Variants in LRRC8C observed in about 807,000 individuals in gnomAD.
LRRC8C encodes leucine rich repeat containing 8 VRAC subunit C.
Under a neutral mutation model 55.3 loss-of-function variants are expected in LRRC8C, and 20 were observed. The observed-to-expected ratio is 0.36, with a 90% CI of 0.25 to 0.53. LRRC8C has a LOEUF of 0.53. LRRC8C is among the 20% of genes least tolerant of loss of function. The probability of loss-of-function intolerance (pLI) is 0.92; values close to 1 mark genes in which losing one functional copy is unlikely to be tolerated. For synonymous variants in LRRC8C, 376 were observed against 360.7 expected (o/e 1.04, Z -0.48); for missense variants, 659 against 951.4 (o/e 0.69, Z 4.04).
At chr1:89,658,503 A>G (rs1203593124) in intron 1 of LRRC8C, among the ~76,000 whole-genome samples, 1 of 152,214 alleles carries the variant, frequency 6.6e-6, no homozygotes, top group Non-Finnish European at 1.5e-5. Flanking sequence ...TGTAGTGGAA[A>G]TGGGGCAGGT....
chr1:89,683,547 G>T (rs1211533653), intron 1 of LRRC8C, among the ~76,000 whole-genome samples: 1 of 151,822 alleles, frequency 6.6e-6, no homozygotes, highest in African/African-American at 2.4e-5. Flanking sequence ...TAGTAGAGTT[G>T]GGGTTTCACC....
chr1:89,629,913 C>T (rs570574083), upstream of LRRC8C: 1 of 152,332 alleles, frequency 6.6e-6, no homozygotes, highest in African/African-American at 2.4e-5. Context: ...AATCCCAGCA[C>T]TTTGGGAGGC....
At chr1:89,659,035 G>T (rs977534233) in intron 1 of LRRC8C, among the ~76,000 whole-genome samples, 4 of 143,456 alleles carry the variant, frequency 2.8e-5, no homozygotes, top group African/African-American at 2.6e-5. Context: ...ATTTTAGGTT[G>T]TGTCTTCTCC....
chr1:89,661,445 T>A (rs1657120714), intron 1 of LRRC8C: 1 of 226,892 alleles, frequency 4.4e-6, no homozygotes. Context: ...TGAGTGATGA[T>A]GTGGTGGAGC....
At chr1:89,620,299 T>C in the LRRC8C span, among the ~76,000 whole-genome samples, 1 of 152,160 alleles carries the variant, frequency 6.6e-6, no homozygotes, top group East Asian at 1.9e-4. Context: ...TTTCAACATA[T>C]GAATTTTGAG....
At chr1:89,659,086 T>G (rs1657042964) in intron 1 of LRRC8C, among the ~76,000 whole-genome samples, 1 of 144,242 alleles carries the variant, frequency 6.9e-6, no homozygotes, top group African/African-American at 2.6e-5. Context: ...TGTGTGTGTG[T>G]GTGTGTGTGT....
At chr1:89,622,057 A>G in the LRRC8C span, among the ~76,000 whole-genome samples, 38 of 152,132 alleles carry the variant, frequency 2.5e-4, no homozygotes, top group African/African-American at 8.9e-4. Flanking sequence ...GATAAGCAAG[A>G]CTGTTTATTT....
intron 2 of LRRC8C, among the ~76,000 whole-genome samples, chr1:89,700,293 C>T (rs946995834): frequency 2.0e-5 from 3 of 152,164 alleles, no homozygotes; most frequent in African/African-American, 7.2e-5. Context: ...CCTGCTTACT[C>T]CAAGCCTGAG....
At chr1:89,692,046 G>A (rs982867647) in intron 2 of LRRC8C, among the ~76,000 whole-genome samples, 1 of 152,096 alleles carries the variant, frequency 6.6e-6, no homozygotes, top group East Asian at 1.9e-4. Flanking sequence ...ACAAATTAAT[G>A]TTCCATAGGG....
chr1:89,639,945 A>G (rs1261555662), intron 1 of LRRC8C, among the ~76,000 whole-genome samples: 4 of 152,250 alleles, frequency 2.6e-5, no homozygotes, highest in Non-Finnish European at 5.9e-5. Flanking sequence ...AAAGTATATA[A>G]ATAATTATAA....
At chr1:89,709,990 A>T (rs1166892624) in intron 2 of LRRC8C, among the ~76,000 whole-genome samples, 5 of 152,008 alleles carry the variant, frequency 3.3e-5, no homozygotes, top group Non-Finnish European at 7.4e-5. Flanking sequence ...TGACCTCGTG[A>T]TCCACCCGCC....
chr1:89,709,152 T>C (rs1326945037), intron 2 of LRRC8C, among the ~76,000 whole-genome samples: 32 of 152,238 alleles, frequency 2.1e-4, no homozygotes, highest in Non-Finnish European at 1.2e-4. Context: ...GGCTGTTCTC[T>C]ACAAAGCCAT....
intron 1 of LRRC8C, among the ~76,000 whole-genome samples, chr1:89,654,637 ACT>A (rs1181102028): frequency 2.0e-5 from 3 of 152,094 alleles, no homozygotes; most frequent in Non-Finnish European, 4.4e-5. Context: ...TGGGTACTAA[ACT>A]CTACATTGAC....
intron 1 of LRRC8C, among the ~76,000 whole-genome samples, chr1:89,638,367 A>G (rs1282007166): frequency 6.6e-6 from 1 of 152,174 alleles, no homozygotes; most frequent in South Asian, 2.1e-4. Flanking sequence ...AATAACACAG[A>G]TACACTGTGT....
intron 2 of LRRC8C, among the ~76,000 whole-genome samples, chr1:89,702,208 G>T (rs984192396): frequency 4.0e-5 from 6 of 151,838 alleles, no homozygotes; most frequent in African/African-American, 1.5e-4. Flanking sequence ...GGGGCTGGGG[G>T]CTGGGTGCAG....
At chr1:89,703,615 C>G (rs529114523) in intron 2 of LRRC8C, among the ~76,000 whole-genome samples, 1 of 150,550 alleles carries the variant, frequency 6.6e-6, no homozygotes, top group Non-Finnish European at 1.5e-5. Context: ...TGGTATAGTT[C>G]AGTGGGTAGT....
At chr1:89,668,575 A>G (rs1657332100) in intron 1 of LRRC8C, among the ~76,000 whole-genome samples, 2 of 152,194 alleles carry the variant, frequency 1.3e-5, no homozygotes, top group African/African-American at 4.8e-5. Flanking sequence ...CCTTTTGCCA[A>G]TGGATATCAA....
At chr1:89,627,244 T>C in the LRRC8C span, among the ~76,000 whole-genome samples, 1 of 152,034 alleles carries the variant, frequency 6.6e-6, no homozygotes, top group East Asian at 1.9e-4. Flanking sequence ...TTAGAAGCTG[T>C]AAGCCAGGAA....
In LRRC8C at chr1:89,717,597, G is replaced by A. The variant is rs971406989; in HGVS notation, c.*2615G>A. ...AGATTTTATAAACCTTCAAAAGTCT[G>A]AAACTTAATTTTGAGTCTAAATTTT... On this transcript the variant is annotated 3_prime_UTR_variant, in exon 3 of 3. Transcript: ENST00000370454. The A allele has an allele frequency of 6.6e-6, 1 of 152,070 alleles. No homozygotes were observed. The highest frequency in any genetic ancestry group is 2.4e-5 in the African/African-American group (1 of 41,396). The allele number at this position is 152,070 out of a possible 1,614,324, so 9.4% of individuals were successfully genotyped here.
Sources: gnomAD v4.1 joint callset for allele counts (sites outside exome capture counted in the v4.1 genomes callset) on GRCh38, gnomAD v4.1.1 for gene constraint, MANE v1.5 for transcripts, NCBI Gene and HGNC (gene_info 2026-07-23, HGNC 2026-07-21) for gene names.